ARB2A: variants seen among roughly 807,000 people sequenced by gnomAD.
ARB2A encodes the protein ARB2 cotranscriptional regulator A.
chr5:94,067,740 C>T, the ARB2A span, among the ~76,000 whole-genome samples: 4 of 152,120 alleles, frequency 2.6e-5, no homozygotes, highest in Non-Finnish European at 5.9e-5. Context: ...GACCATACTG[C>T]TCAAAGCAAC....
the ARB2A span, chr5:93,620,226 T>C: frequency 6.6e-6 from 1 of 152,216 alleles, no homozygotes; most frequent in African/African-American, 2.4e-5. Flanking sequence ...TGCCCATCAT[T>C]GTTTTGGTTT....
chr5:93,966,088 T>TAAACTAAAAATGTGGAGGTTC, the ARB2A span, among the ~76,000 whole-genome samples: 2 of 151,902 alleles, frequency 1.3e-5, no homozygotes, highest in Non-Finnish European at 2.9e-5. Flanking sequence ...CTTATAAGAG[T>TAAACTAAAAATGTGGAGGTTC]AAACTAAAAA....
chr5:93,932,300 GC>G, the ARB2A span, among the ~76,000 whole-genome samples: 1 of 152,110 alleles, frequency 6.6e-6, no homozygotes, highest in Non-Finnish European at 1.5e-5. Flanking sequence ...TCATGTGTGT[GC>G]CCAGGAAGGG....
chr5:94,071,862 G>A, the ARB2A span, among the ~76,000 whole-genome samples: 1 of 151,880 alleles, frequency 6.6e-6, no homozygotes, highest in Non-Finnish European at 1.5e-5. Flanking sequence ...CACATTCTTG[G>A]GCATTTAACC....
At chr5:94,005,004 A>T in the ARB2A span, among the ~76,000 whole-genome samples, 1 of 107,856 alleles carries the variant, frequency 9.3e-6, no homozygotes, top group African/African-American at 3.8e-5. Flanking sequence ...TCAGCAAAAA[A>T]AAAAAAAAAA....
the ARB2A span, among the ~76,000 whole-genome samples, chr5:93,838,016 C>T: frequency 6.6e-6 from 1 of 152,074 alleles, no homozygotes; most frequent in South Asian, 2.1e-4. Flanking sequence ...TTGATTAGGT[C>T]CCACTTGTCA....
the ARB2A span, among the ~76,000 whole-genome samples, chr5:94,011,750 T>C: frequency 6.6e-6 from 1 of 151,848 alleles, no homozygotes; most frequent in Admixed American, 6.6e-5. Context: ...AATAAAATAC[T>C]CAAGTGAAGA....
At chr5:94,092,314 T>C in the ARB2A span, among the ~76,000 whole-genome samples, 2 of 152,124 alleles carry the variant, frequency 1.3e-5, no homozygotes, top group African/African-American at 4.8e-5. Flanking sequence ...CTTCTAAATA[T>C]GATATTTCCC....
chr5:93,708,117 T>C, the ARB2A span, among the ~76,000 whole-genome samples: 1 of 152,196 alleles, frequency 6.6e-6, no homozygotes, highest in East Asian at 1.9e-4. Flanking sequence ...CTCTGAATCA[T>C]TTGAGAGCTA....
the ARB2A span, among the ~76,000 whole-genome samples, chr5:93,869,185 G>A: frequency 6.6e-6 from 1 of 152,176 alleles, no homozygotes; most frequent in African/African-American, 2.4e-5. Flanking sequence ...AACAACTACT[G>A]CTTCTAACCT....
the ARB2A span, among the ~76,000 whole-genome samples, chr5:93,642,334 A>G: frequency 1.3e-5 from 2 of 151,544 alleles, no homozygotes; most frequent in South Asian, 2.1e-4. Context: ...CAGCTCCCCA[A>G]GTAGCTGGGA....
chr5:94,068,643 T>C, the ARB2A span, among the ~76,000 whole-genome samples: 1 of 152,078 alleles, frequency 6.6e-6, no homozygotes. Flanking sequence ...TTAGCCTAAT[T>C]TGTATTTTAG....
chr5:93,752,505 C>T, the ARB2A span, among the ~76,000 whole-genome samples: 12 of 152,048 alleles, frequency 7.9e-5, no homozygotes, highest in Non-Finnish European at 1.6e-4. Flanking sequence ...CCAAATTCTT[C>T]GAAGGAGTTT....
At chr5:93,887,061 T>C in the ARB2A span, among the ~76,000 whole-genome samples, 4 of 151,664 alleles carry the variant, frequency 2.6e-5, no homozygotes, top group Non-Finnish European at 5.9e-5. Context: ...TATTTTTACA[T>C]AGCACTTACT....
At chr5:93,715,658 T>A in the ARB2A span, among the ~76,000 whole-genome samples, 49 of 151,716 alleles carry the variant, frequency 3.2e-4, no homozygotes, top group South Asian at 1.3e-3. Context: ...TTTTTTTTTT[T>A]ATTAGGGAAA....
At chr5:93,700,892 C>T in the ARB2A span, among the ~76,000 whole-genome samples, 1 of 152,082 alleles carries the variant, frequency 6.6e-6, no homozygotes, top group East Asian at 1.9e-4. Context: ...CTGTAAAACA[C>T]TAGATTGCCT....
chr5:94,069,087 T>TAGATAGATAGATAGATAGAC, the ARB2A span, among the ~76,000 whole-genome samples: 38 of 151,366 alleles, frequency 2.5e-4, no homozygotes, highest in African/African-American at 6.5e-4. Context: ...GATAGATAGA[T>TAGATAGATAGATAGATAGAC]AGACTAATGG....
the ARB2A span, among the ~76,000 whole-genome samples, chr5:93,894,636 T>C: frequency 6.6e-6 from 1 of 152,138 alleles, no homozygotes; most frequent in East Asian, 1.9e-4. Flanking sequence ...TATCTTTTCA[T>C]CAAGGGTGGC....
At chr5:93,631,793 G>C in the ARB2A span, among the ~76,000 whole-genome samples, 7 of 151,160 alleles carry the variant, frequency 4.6e-5, no homozygotes, top group Non-Finnish European at 5.9e-5. Flanking sequence ...AGGGGGGAGG[G>C]GGATAGGGAG....
Sources: gnomAD v4.1 joint callset for allele counts (sites outside exome capture counted in the v4.1 genomes callset) on GRCh38, gnomAD v4.1.1 for gene constraint, MANE v1.5 for transcripts, NCBI Gene and HGNC (gene_info 2026-07-23, HGNC 2026-07-21) for gene names.